RFX3: variants seen among roughly 807,000 people sequenced by gnomAD.
RFX3 encodes transcription factor RFX3.
RFX3 carries 14 observed loss-of-function variants against 98.6 expected under a neutral mutation model. The observed-to-expected ratio is 0.14, with a 90% CI of 0.09 to 0.22. RFX3 has a LOEUF of 0.22. Ranked by LOEUF, RFX3 falls within the 10% of genes least tolerant of loss-of-function variation. The pLI is 1.00. For synonymous variants in RFX3, 383 were observed against 328.4 expected, an observed-to-expected ratio of 1.17 and a Z score of -1.80; for missense variants, 639 against 926.9, an observed-to-expected ratio of 0.69 and a Z score of 4.03.
At chr9:3,301,659 G>A in intron 4 of RFX3, 39 bp from the exon 5 acceptor site, 1 of 1,423,874 alleles carries the variant, frequency 7.0e-7, no homozygotes, top group Non-Finnish European at 9.8e-7. Context: ...CTCAAGACAA[G>A]ATAGTAATAA....
Position 3,323,043 on chromosome 9 carries a change from C to G in RFX3, c.474+7216G>C, listed in dbSNP as rs568218160. Among the ~76,000 whole-genome samples the G allele has an allele frequency of 3.7e-4, 57 of 152,260 alleles. No individual in the cohort carries two copies. The South Asian group carries it at 8.9e-3, about 24-fold the overall frequency. ...TCTAAGTCCGTAGATTACAAAACTC[C>G]TATGTCATGAAATTTACTGCCACCA... On this transcript the variant is annotated intron_variant, in intron 4 of 16. Transcript: ENST00000617270.
chr9:3,309,330 T>A (rs533261401), intron 4 of RFX3, among the ~76,000 whole-genome samples: 7 of 152,248 alleles, frequency 4.6e-5, no homozygotes, highest in African/African-American at 1.7e-4. Flanking sequence ...AGGAAGAACC[T>A]GTAGGGTACA....
chr9:3,456,000 A>C (rs1847113727), intron 1 of RFX3, among the ~76,000 whole-genome samples: 1 of 152,194 alleles, frequency 6.6e-6, no homozygotes, highest in Admixed American at 6.5e-5. Context: ...GTGTCGGCAG[A>C]TTTGGTTGTC....
At chr9:3,496,293 C>A (rs766792783) in intron 1 of RFX3, among the ~76,000 whole-genome samples, 2 of 151,928 alleles carry the variant, frequency 1.3e-5, no homozygotes, top group African/African-American at 2.4e-5. Context: ...ATATTTTTTT[C>A]TATTACTGCT....
At chr9:3,470,340 A>G (rs1375909828) in intron 1 of RFX3, among the ~76,000 whole-genome samples, 9 of 144,050 alleles carry the variant, frequency 6.2e-5, no homozygotes, top group Admixed American at 5.6e-4. Flanking sequence ...TTTGAGACGG[A>G]GTCTCACTCT....
intron 14 of RFX3, among the ~76,000 whole-genome samples, chr9:3,256,243 T>A (rs970649007): frequency 6.6e-6 from 1 of 152,110 alleles, no homozygotes; most frequent in Non-Finnish European, 1.5e-5. Flanking sequence ...GTGCTGGGAT[T>A]ACAGGCGTAA....
chr9:3,453,483 G>T (rs1459100911), intron 1 of RFX3: 1 of 151,972 alleles, frequency 6.6e-6, no homozygotes, highest in Admixed American at 6.6e-5. Context: ...GCCAAGGCGG[G>T]TGGATCACTT....
intron 1 of RFX3, among the ~76,000 whole-genome samples, chr9:3,449,972 T>C (rs1846427649): frequency 6.6e-6 from 1 of 152,122 alleles, no homozygotes; most frequent in Non-Finnish European, 1.5e-5. Context: ...AAACATTTGG[T>C]TAATTCTTTG....
At chr9:3,506,033 G>A (rs1408779492) in intron 1 of RFX3, among the ~76,000 whole-genome samples, 1 of 151,726 alleles carries the variant, frequency 6.6e-6, no homozygotes, top group Non-Finnish European at 1.5e-5. Context: ...AAAGTGAAAT[G>A]AGCATGTATA....
At chr9:3,349,500 A>T (rs1484258779) in intron 2 of RFX3, among the ~76,000 whole-genome samples, 1 of 152,092 alleles carries the variant, frequency 6.6e-6, no homozygotes, top group Non-Finnish European at 1.5e-5. Context: ...ATGTGGTTCC[A>T]AAGCCAAAAC....
intron 3 of RFX3, among the ~76,000 whole-genome samples, chr9:3,336,460 A>G (rs970079795): frequency 6.6e-6 from 1 of 152,104 alleles, no homozygotes; most frequent in African/African-American, 2.4e-5. Context: ...ACCAAATAGG[A>G]TAGTTAAGGA....
intron 15 of RFX3, among the ~76,000 whole-genome samples, chr9:3,234,959 C>G (rs1343516801): frequency 6.6e-6 from 1 of 152,198 alleles, no homozygotes; most frequent in Admixed American, 6.5e-5. Flanking sequence ...AAGTAAGAGT[C>G]AGCTTTTAAA....
chr9:3,482,986 T>C (rs950745541), intron 1 of RFX3, among the ~76,000 whole-genome samples: 1 of 152,202 alleles, frequency 6.6e-6, no homozygotes, highest in Admixed American at 6.5e-5. Flanking sequence ...ATCTTGCTTT[T>C]GAGTTTAGCC....
intron 7 of RFX3, among the ~76,000 whole-genome samples, chr9:3,287,755 C>A (rs1318551231): frequency 6.6e-6 from 1 of 151,884 alleles, no homozygotes; most frequent in African/African-American, 2.4e-5. Context: ...TGCAAGAATT[C>A]ATACTGTGTC....
chr9:3,388,429 T>G (rs1490932994), intron 2 of RFX3, among the ~76,000 whole-genome samples: 1 of 152,130 alleles, frequency 6.6e-6, no homozygotes, highest in Admixed American at 6.5e-5. Flanking sequence ...AAGGATAATA[T>G]GCTCAGTTTG....
At position 3,293,115 on chromosome 9, in the gene RFX3, T is replaced by G; in HGVS notation, c.693A>C (p.Ser231=). ...TCCTGGTTCGTAGCCCCATAAAAAT[T>G]GATCTTATTAATTTTCCAAAAGAGG... ...NAASFGKLIR[S]IFMGLRTRRL... Residue 231 remains serine, a synonymous_variant, in exon 6 of 17, where the codon TCA becomes TCC. Transcript: ENST00000617270. 1 of 1,613,426 alleles carries G rather than the reference T, an allele frequency of 6.2e-7. No homozygotes were observed. Among genetic ancestry groups the G allele is most frequent in the South Asian group, 1.1e-5 (1 of 90,934 alleles).
At chr9:3,356,424 A>G (rs1347297656) in intron 2 of RFX3, among the ~76,000 whole-genome samples, 2 of 151,872 alleles carry the variant, frequency 1.3e-5, no homozygotes, top group African/African-American at 4.8e-5. Flanking sequence ...AGTTTATAAA[A>G]GGCCTAAATG....
At chr9:3,256,387 A>G (rs1179356075) in intron 14 of RFX3, among the ~76,000 whole-genome samples, 1 of 151,398 alleles carries the variant, frequency 6.6e-6, no homozygotes, top group Non-Finnish European at 1.5e-5. Flanking sequence ...AGGTTTGAAA[A>G]CAGTTATAAT....
At chr9:3,503,978 C>T (rs902835837) in intron 1 of RFX3, among the ~76,000 whole-genome samples, 20 of 151,210 alleles carry the variant, frequency 1.3e-4, no homozygotes, top group African/African-American at 4.9e-4. Flanking sequence ...TGTGCACACG[C>T]TGTTCAATTT....
Sources: allele counts gnomAD v4.1 joint callset (sites outside exome capture counted in the v4.1 genomes callset), GRCh38; gene constraint gnomAD v4.1.1; transcripts MANE v1.5; gene names NCBI Gene and HGNC (gene_info 2026-07-23, HGNC 2026-07-21).